ITM2C: variants seen among roughly 807,000 people sequenced by gnomAD.
ITM2C encodes BRICHOS domain containing 2C.
In ITM2C, 20 loss-of-function variants were observed where a neutral mutation model predicts 30.0. The observed-to-expected ratio is 0.67, with a 90% confidence interval of 0.47 to 0.97. ITM2C has a LOEUF of 0.97. Ranked by LOEUF, ITM2C falls within the 50% of genes least tolerant of loss-of-function variation. The pLI, the probability that ITM2C is intolerant of heterozygous loss-of-function variation, is 0.00. For missense variants in ITM2C, 366 were observed against 371.9 expected (o/e 0.98, Z 0.13); for synonymous variants, 167 against 156.4 (o/e 1.07, Z -0.51).
intron 1 of ITM2C, among the ~76,000 whole-genome samples, chr2:230,868,463 T>A (rs377373439): frequency 0.39 from 59,104 of 150,292 alleles, 13,327 homozygotes; most frequent in East Asian, 0.84. Flanking sequence ...GTGCCTGCAC[T>A]CACACACACA....
intron 1 of ITM2C, among the ~76,000 whole-genome samples, chr2:230,867,087 C>T (rs76209860): frequency 0.086 from 13,041 of 152,230 alleles, 809 homozygotes; most frequent in African/African-American, 0.18. Context: ...TGGCCTTGAG[C>T]CTGCTGAGTA....
chr2:230,875,542 G>A (rs1451826790), intron 2 of ITM2C, 78 bp from the exon 3 acceptor site: 11 of 1,305,604 alleles, frequency 8.4e-6, no homozygotes, highest in Middle Eastern at 5.2e-4. Flanking sequence ...TAGCGGACGG[G>A]TAGGCAAGAG....
At position 230,878,474 on chromosome 2, in the gene ITM2C, G is replaced by A. The variant is rs905934371; in HGVS notation, c.*375G>A. 21 of 170,766 alleles carry A rather than the reference G, an allele frequency of 1.2e-4. No individual in the cohort carries two copies. The highest frequency in any genetic ancestry group is 2.6e-3 in the Middle Eastern group (1 of 388). 10.6% of individuals were successfully genotyped at this position (170,766 alleles called of 1,614,324 possible). A position where few individuals can be genotyped will look rare whatever the true frequency, so the allele number is the denominator to read the frequency against. On this transcript the variant is annotated 3_prime_UTR_variant, in exon 6 of 6. Transcript: ENST00000326427. The surrounding 1 kb of genome is among the most constrained non-coding windows in gnomAD (Gnocchi z 4.5). Reference sequence around the variant, plus strand: ...GGCAAGGGGATGGGGCTGTGGGGGCGGGGCGGCATGGGCTTCAGAAGTATC... The same window carrying A: ...GGCAAGGGGATGGGGCTGTGGGGGCAGGGCGGCATGGGCTTCAGAAGTATC...
chr2:230,866,865 A>G (rs59361355), intron 1 of ITM2C, among the ~76,000 whole-genome samples: 12,161 of 152,082 alleles, frequency 0.08, 667 homozygotes, highest in African/African-American at 0.15. Context: ...ACTCCATCAG[A>G]AGGTCCCCCA....
chr2:230,864,803 G>A (rs892204528), upstream of ITM2C: 12 of 312,962 alleles, frequency 3.8e-5, no homozygotes, highest in Non-Finnish European at 3.7e-5. This position sits in a 1 kb window ranked among gnomAD's most constrained non-coding sequence, Gnocchi z 4.3. Context: ...CGGCGCGCCC[G>A]GCAGGGGTCA....
Position 230,867,399 on chromosome 2 carries a change from G to A in ITM2C, c.120+2254G>A, listed in dbSNP as rs368882138. On this transcript the variant is annotated intron_variant, in intron 1 of 5. Coordinates refer to ENST00000326427, the MANE Select transcript of ITM2C (RefSeq NM_030926.6). ...CACATTTCCTCCTTACCCAGTTTCT[G>A]GCAAGGAGCCAGGCCTCGTCTCCTG... Among the ~76,000 whole-genome samples the A allele has an allele frequency of 1.3e-4, 20 of 152,288 alleles. 1 individual carries two copies. The South Asian group carries it at 2.7e-3, about 21-fold the overall frequency.
In ITM2C at chr2:230,865,441, AG is replaced by A. The variant is rs1458917312; in HGVS notation, c.120+301del. ...AGTGGGGGCCCCCTCGCCGCCTTAT[AG>A]GGGGAGGGGGCTGGTCCGAAGAAGT... On this transcript the variant is annotated intron_variant, in intron 1 of 5. Transcript: ENST00000326427. This position sits in a 1 kb window ranked among gnomAD's most constrained non-coding sequence, Gnocchi z 6.8. The A allele has an allele frequency of 7.0e-6, 2 of 284,226 alleles. No homozygotes were observed. The highest frequency in any genetic ancestry group is 4.4e-5 in the African/African-American group (2 of 45,424). The allele number at this position is 284,226 out of a possible 1,614,324, so 17.6% of individuals were successfully genotyped here. A position where few individuals can be genotyped will look rare whatever the true frequency, so the allele number is the denominator to read the frequency against.
In ITM2C at chr2:230,878,420, G is replaced by A; in HGVS notation, c.*321G>A. On this transcript the variant is annotated 3_prime_UTR_variant, in exon 6 of 6. Coordinates refer to ENST00000326427, the MANE Select transcript of ITM2C (RefSeq NM_030926.6). The surrounding 1 kb of genome is among the most constrained non-coding windows in gnomAD (Gnocchi z 4.5). The stretch of plus-strand genomic sequence containing the variant: ...ACCGGCAGCCCAAGGGGAAGGACCG[G>A]TTGGGGGAGCCGGGCATGTGAGGCC... The A allele has an allele frequency of 5.1e-6, 1 of 195,976 alleles. No individual in the cohort carries two copies. Among genetic ancestry groups the A allele is most frequent in the Non-Finnish European group, 1.0e-5 (1 of 96,790 alleles). 12.1% of individuals were successfully genotyped at this position (195,976 alleles called of 1,614,324 possible). A position where few individuals can be genotyped will look rare whatever the true frequency, so the allele number is the denominator to read the frequency against.
In ITM2C at chr2:230,878,200, C is replaced by T. The variant is rs539848930; in HGVS notation, c.*101C>T. 1.1e-5 allele frequency: 9 copies of T among 785,218 alleles called. No individual in the cohort carries two copies. The highest frequency in any genetic ancestry group is 5.6e-5 in the South Asian group (3 of 53,538). The allele number at this position is 785,218 out of a possible 1,614,324, so 48.6% of individuals were successfully genotyped here. On this transcript the variant is annotated 3_prime_UTR_variant, in exon 6 of 6. Coordinates refer to ENST00000326427, the MANE Select transcript of ITM2C (RefSeq NM_030926.6). This position sits in a 1 kb window ranked among gnomAD's most constrained non-coding sequence, Gnocchi z 4.5. Reference sequence around the variant, plus strand: ...CCCTGCTTAGCTTGTACTTTGGACGCGTTTCTATAGAGGTGACATGTCTCT... The same window carrying T: ...CCCTGCTTAGCTTGTACTTTGGACGTGTTTCTATAGAGGTGACATGTCTCT...
At chr2:230,870,520 C>T (rs1697138574) in intron 1 of ITM2C, among the ~76,000 whole-genome samples, 1 of 152,206 alleles carries the variant, frequency 6.6e-6, no homozygotes, top group African/African-American at 2.4e-5. Context: ...AAGTGCCCAC[C>T]CGCAGTCTAG....
chr2:230,875,153 C>T (rs1038717818), intron 2 of ITM2C, among the ~76,000 whole-genome samples: 1 of 152,318 alleles, frequency 6.6e-6, no homozygotes, highest in Admixed American at 6.5e-5. Context: ...TCCTTGACCC[C>T]CTGCCAACCC....
At position 230,878,089 on chromosome 2, in the gene ITM2C, G is replaced by A. The variant is rs1397346572; in HGVS notation, c.794G>A (p.Gly265Glu). ...TTCGTGGTGGAGACGCTCATCTGCGGGGTGGTGTGAGGCCCTCCTCCCCCA... is the reference window on the plus strand; with the variant it reads ...TTCGTGGTGGAGACGCTCATCTGCGAGGTGGTGTGAGGCCCTCCTCCCCCA... ...NTFVVETLICGVV is the reference protein window; with the variant it reads ...NTFVVETLICEVV Residue 265 changes from glycine to glutamate, a missense_variant, in exon 6 of 6, where the codon GGG (glycine) becomes GAG (glutamate). By Grantham distance (98) the Gly-to-Glu change is moderately conservative (BLOSUM62 -2). Transcript: ENST00000326427. The surrounding 1 kb of genome is among the most constrained non-coding windows in gnomAD (Gnocchi z 4.5). The A allele has an allele frequency of 6.3e-7, 1 of 1,592,076 alleles. No homozygotes were observed. Among genetic ancestry groups the A allele is most frequent in the Non-Finnish European group, 8.6e-7 (1 of 1,167,400 alleles).
rs1005375545 is a variant in ITM2C at position 230,864,979 on chromosome 2, G to A, written c.-47G>A. The A allele has an allele frequency of 2.8e-5, 40 of 1,420,946 alleles. No homozygotes were observed. Among genetic ancestry groups the A allele is most frequent in the Non-Finnish European group, 3.5e-5 (38 of 1,076,712 alleles). The allele number at this position is 1,420,946 out of a possible 1,614,324, so 88.0% of individuals were successfully genotyped here. Reference sequence around the variant, plus strand: ...CGGAGCGGCGGAGGCAGAGACCGAGGCTGCACCGGCAGAGGCTGCGGGGCG... The same window carrying A: ...CGGAGCGGCGGAGGCAGAGACCGAGACTGCACCGGCAGAGGCTGCGGGGCG... On this transcript the variant is annotated 5_prime_UTR_variant, in exon 1 of 6. Coordinates refer to ENST00000326427, the MANE Select transcript of ITM2C (RefSeq NM_030926.6). This position sits in a 1 kb window ranked among gnomAD's most constrained non-coding sequence, Gnocchi z 4.3.
At chr2:230,871,869 C>T (rs1336082681) in intron 1 of ITM2C, among the ~76,000 whole-genome samples, 2 of 152,228 alleles carry the variant, frequency 1.3e-5, no homozygotes, top group Non-Finnish European at 2.9e-5. Flanking sequence ...GGGCCCAGGC[C>T]CCACACTCCC....
At chr2:230,867,663 ATTTTAT>A (rs779229990) in intron 1 of ITM2C, among the ~76,000 whole-genome samples, 1 of 65,864 alleles carries the variant, frequency 1.5e-5, no homozygotes, top group African/African-American at 7.0e-5. Flanking sequence ...ATTTTATTTT[ATTTTAT>A]TTTTTTTTTT....
chr2:230,875,596 T>C (rs755614589), intron 2 of ITM2C, 24 bp from the exon 3 acceptor site: 9 of 1,573,636 alleles, frequency 5.7e-6, no homozygotes, highest in Non-Finnish European at 7.8e-6. Flanking sequence ...TCTGACTGTC[T>C]GTCTGTCTCT....
rs183572137 is a variant in ITM2C, at chr2:230,878,739, C to T, written c.*640C>T. On this transcript the variant is annotated 3_prime_UTR_variant, in exon 6 of 6. Transcript: ENST00000326427. The surrounding 1 kb of genome is among the most constrained non-coding windows in gnomAD (Gnocchi z 4.5). ...GATGAGTCCGTCAAGCACAACTGTT[C>T]TCTGAGTGGAACCAAAGAAGCAAGG... 1 of 153,292 alleles carries T rather than the reference C, an allele frequency of 6.5e-6. No homozygotes were observed. The highest frequency in any genetic ancestry group is 1.9e-4 in the East Asian group (1 of 5,186). The allele number at this position is 153,292 out of a possible 1,614,324, so 9.5% of individuals were successfully genotyped here. A position where few individuals can be genotyped will look rare whatever the true frequency, so the allele number is the denominator to read the frequency against.
At chr2:230,875,834 GGGGGGTGGGAGGGTGT>G in intron 3 of ITM2C, 26 bp downstream of exon 3, 1 of 400,356 alleles carries the variant, frequency 2.5e-6, no homozygotes, top group Non-Finnish European at 4.9e-6. Context: ...GCCTGGGGGT[GGGGGGTGGGAGGGTGT>G]CCCGGGGACT....
At chr2:230,875,563 G>A (rs568019299) in intron 2 of ITM2C, 57 bp from the exon 3 acceptor site, 46 of 1,478,642 alleles carry the variant, frequency 3.1e-5, no homozygotes, top group East Asian at 1.6e-4. Flanking sequence ...GGGGCCTTAC[G>A]GAGTGCGTGT....
Sources: allele counts gnomAD v4.1 joint callset (sites outside exome capture counted in the v4.1 genomes callset), GRCh38; gene constraint gnomAD v4.1.1; non-coding constraint Gnocchi (gnomAD v3.1); transcripts MANE v1.5; gene names NCBI Gene and HGNC (gene_info 2026-07-23, HGNC 2026-07-21).